Variants in BTD observed in about 807,000 individuals in gnomAD.
The protein encoded by BTD is biocytinase.
Under a neutral mutation model 17.7 loss-of-function variants are expected in BTD, and 13 were observed. That is an observed-to-expected ratio of 0.74 (90% CI 0.48 to 1.17). BTD has a LOEUF of 1.17. Ranked by LOEUF, BTD falls within the 50% of genes most tolerant of loss-of-function variation. The pLI, the probability that BTD is intolerant of heterozygous loss-of-function variation, is 0.00. For missense variants in BTD, 674 were observed against 650.4 expected (o/e 1.04, Z -0.39); for synonymous variants, 240 against 245.2 (o/e 0.98, Z 0.20).
intron 3 of BTD, among the ~76,000 whole-genome samples, chr3:15,643,153 C>T (rs2065581982): frequency 6.6e-6 from 1 of 152,188 alleles, no homozygotes; most frequent in Non-Finnish European, 1.5e-5. Flanking sequence ...TTTACAGCCC[C>T]AGTCATACAG....
intron 3 of BTD, among the ~76,000 whole-genome samples, chr3:15,688,342 A>G (rs1488384257): frequency 6.6e-6 from 1 of 152,158 alleles, no homozygotes; most frequent in African/African-American, 2.4e-5. Context: ...CCTAGAGTGC[A>G]ATGAAACTGA....
In BTD at chr3:15,650,937, T is replaced by G. The variant is rs1249693723; in HGVS notation, c.*5449T>G. On this transcript the variant is annotated 3_prime_UTR_variant, in exon 4 of 4. Transcript: ENST00000643237. ...GGCACGTGCCACCACGCCCAGCTAA[T>G]TTTTTGTATTTTTATAGAGACAGGG... Among the ~76,000 whole-genome samples, 2 of 151,982 alleles carry G rather than the reference T, an allele frequency of 1.3e-5. No individual in the cohort carries two copies. The highest frequency in any genetic ancestry group is 2.4e-5 in the African/African-American group (1 of 41,380).
chr3:15,706,844 T>A (rs1029116721), intron 3 of BTD, among the ~76,000 whole-genome samples: 96 of 152,222 alleles, frequency 6.3e-4, no homozygotes, highest in Admixed American at 3.9e-3. Context: ...TGACCAGTGA[T>A]GATGAGCATT....
At chr3:15,683,531 T>C (rs369447853) in intron 3 of BTD, among the ~76,000 whole-genome samples, 1 of 152,140 alleles carries the variant, frequency 6.6e-6, no homozygotes, top group African/African-American at 2.4e-5. Context: ...TTTAAGGTAG[T>C]AAAAAACAAA....
chr3:15,684,898 A>T, intron 3 of BTD: 1 of 254,148 alleles, frequency 3.9e-6, no homozygotes, highest in Non-Finnish European at 7.7e-6. Flanking sequence ...CTGAGGTGGG[A>T]GGATCACTTG....
chr3:15,621,854 C>T (rs1035523802), intron 1 of BTD, among the ~76,000 whole-genome samples: 3 of 152,306 alleles, frequency 2.0e-5, no homozygotes, highest in South Asian at 4.1e-4. Flanking sequence ...CCTGTCTCAG[C>T]CTCCCAAAGT....
intron 3 of BTD, chr3:15,708,038 T>C (rs188642170): frequency 1.1e-5 from 17 of 1,609,016 alleles, no homozygotes; most frequent in East Asian, 8.9e-5. Context: ...GTAATTGCAG[T>C]TGGCAGCAGC....
chr3:15,647,063 A>T lies in BTD; in HGVS notation c.*1575A>T, dbSNP rs1054493106. 2 of 152,230 alleles carry T rather than the reference A, an allele frequency of 1.3e-5. No individual in the cohort carries two copies. The highest frequency in any genetic ancestry group is 4.8e-5 in the African/African-American group (2 of 41,440). The allele number at this position is 152,230 out of a possible 1,614,324, so 9.4% of individuals were successfully genotyped here. A position where few individuals can be genotyped will look rare whatever the true frequency, so the allele number is the denominator to read the frequency against. On this transcript the variant is annotated 3_prime_UTR_variant, in exon 4 of 4. Coordinates refer to ENST00000643237, the MANE Select transcript of BTD (RefSeq NM_001370658.1). ...CCCTCGGAAAGGTCTGGGATGAGTC[A>T]AGTCTTCAGGGAATAAGCAGCAAGG...
In BTD at chr3:15,620,808, G is replaced by T. The variant is rs115102454; in HGVS notation, c.-16-14616G>T. On this transcript the variant is annotated intron_variant, in intron 1 of 3. Transcript: ENST00000643237. ...GGTCCCTGACTTCCCATAACAGGGAGACAGTGCCAATGGGATATATATAGA... is the reference window on the plus strand; with the variant it reads ...GGTCCCTGACTTCCCATAACAGGGATACAGTGCCAATGGGATATATATAGA... 6.6e-3 allele frequency among the ~76,000 whole-genome samples: 1,002 copies of T among 152,346 alleles called. 9 individuals carry two copies. Among genetic ancestry groups the T allele is most frequent in the African/African-American group, 0.023 (951 of 41,572 alleles).
intron 3 of BTD, chr3:15,677,100 A>G (rs779919230): frequency 8.7e-6 from 13 of 1,495,110 alleles, no homozygotes; most frequent in Non-Finnish European, 1.2e-5. Flanking sequence ...AGCACCATTA[A>G]AGATACATTT....
At chr3:15,703,128 A>C (rs2125979880) in intron 3 of BTD, among the ~76,000 whole-genome samples, 1 of 152,312 alleles carries the variant, frequency 6.6e-6, no homozygotes, top group East Asian at 1.9e-4. Flanking sequence ...CAAAAGGCAA[A>C]TATATCTTCT....
At chr3:15,678,139 C>T (rs2067149037) in intron 3 of BTD, 1 of 1,426,742 alleles carries the variant, frequency 7.0e-7, no homozygotes, top group Admixed American at 2.4e-5. Context: ...AGTCAGAAGT[C>T]TTGGGATCTA....
chr3:15,610,536 T>C (rs1163304975), intron 1 of BTD, among the ~76,000 whole-genome samples: 1 of 152,216 alleles, frequency 6.6e-6, no homozygotes, highest in African/African-American at 2.4e-5. Context: ...CATAATATAG[T>C]TCATTCTCAT....
At chr3:15,711,091 A>T in exon 4 of BTD, 1 of 824,296 alleles carries the variant, frequency 1.2e-6, no homozygotes, top group South Asian at 2.2e-5. Flanking sequence ...TTCCCAAACA[A>T]CTCCTGTTTT....
chr3:15,708,541 A>T (rs995261767), intron 3 of BTD, among the ~76,000 whole-genome samples: 1 of 152,122 alleles, frequency 6.6e-6, no homozygotes, highest in Non-Finnish European at 1.5e-5. Flanking sequence ...CAACCCTCTC[A>T]ACTCAAAGCA....
chr3:15,687,379 G>T (rs768959191), intron 3 of BTD, among the ~76,000 whole-genome samples: 2 of 151,926 alleles, frequency 1.3e-5, no homozygotes, highest in African/African-American at 2.4e-5. Context: ...TCCATCTAAA[G>T]AATGCATGTG....
At chr3:15,691,078 C>T (rs967294313) in intron 3 of BTD, among the ~76,000 whole-genome samples, 1 of 151,912 alleles carries the variant, frequency 6.6e-6, no homozygotes, top group African/African-American at 2.4e-5. Flanking sequence ...CAGGCATTGT[C>T]CTAGCTGTAC....
At chr3:15,679,771 T>C (rs1186142537) in intron 3 of BTD, among the ~76,000 whole-genome samples, 1 of 152,014 alleles carries the variant, frequency 6.6e-6, no homozygotes, top group African/African-American at 2.4e-5. Flanking sequence ...ACGCACAAAA[T>C]ACATACAGTT....
chr3:15,641,996 C>T lies in BTD; in HGVS notation c.338C>T (p.Pro113Leu), dbSNP rs979837224. 3.7e-6 allele frequency: 6 copies of T among 1,613,970 alleles called. No homozygotes were observed. The highest frequency in any genetic ancestry group is 2.7e-5 in the African/African-American group (2 of 74,912). The change falls in exon 3 of 4, where the codon CCG (proline) becomes CTG (leucine). Residue 113 changes from proline to leucine, a missense_variant. Pro to Leu is a moderately conservative substitution (Grantham distance 98). Transcript: ENST00000643237. ...ATTTATCCATTTTTGGACTTCATGC[C>T]GTCTCCCCAGGTGGTCAGGTGGAAC... is the stretch of plus-strand genomic sequence containing the variant. ...TSIYPFLDFM[P>L]SPQVVRWNPC...
Sources: gnomAD v4.1 joint callset for allele counts (sites outside exome capture counted in the v4.1 genomes callset) on GRCh38, gnomAD v4.1.1 for gene constraint, MANE v1.5 for transcripts, NCBI Gene and HGNC (gene_info 2026-07-23, HGNC 2026-07-21) for gene names.